Variants in PCDH15 observed in about 807,000 individuals in gnomAD.
PCDH15 encodes the protein protocadherin-15.
PCDH15 carries 129 observed loss-of-function variants against 178.5 expected under a neutral mutation model. The observed-to-expected ratio is 0.72, with a 90% CI of 0.63 to 0.84. The LOEUF (loss-of-function observed/expected upper bound fraction) is 0.84. Among genes scored for constraint, PCDH15 ranks in the 40% least tolerant of loss-of-function variants. PCDH15 has a pLI of 0.00. For missense variants in PCDH15, 2,230 were observed against 2,099.9 expected, an observed-to-expected ratio of 1.06 and a Z score of -1.21; for synonymous variants, 800 against 732.0, an observed-to-expected ratio of 1.09 and a Z score of -1.50.
chr10:55,413,453 A>T (rs1243470610), intron 2 of PCDH15, among the ~76,000 whole-genome samples: 1 of 151,754 alleles, frequency 6.6e-6, no homozygotes, highest in East Asian at 1.9e-4. Context: ...AGACTTTTCT[A>T]AAAGGTCTAT....
At chr10:54,455,871 G>A (rs1422248733) in intron 3 of PCDH15, among the ~76,000 whole-genome samples, 1 of 152,140 alleles carries the variant, frequency 6.6e-6, no homozygotes, top group Non-Finnish European at 1.5e-5. Context: ...TGGCTAAAAC[G>A]GGTCAGTGTA....
At chr10:54,852,924 G>A (rs973623684) in intron 3 of PCDH15, among the ~76,000 whole-genome samples, 1 of 150,334 alleles carries the variant, frequency 6.7e-6, no homozygotes, top group African/African-American at 2.5e-5. Flanking sequence ...AGTTAATTTG[G>A]TATACAGACA....
intron 3 of PCDH15, among the ~76,000 whole-genome samples, chr10:54,873,967 T>A (rs1278053032): frequency 2.0e-5 from 3 of 150,220 alleles, no homozygotes; most frequent in African/African-American, 7.3e-5. Flanking sequence ...TTTATTTATT[T>A]ATTTATTTAT....
chr10:53,876,437 C>T (rs533377185), intron 26 of PCDH15, among the ~76,000 whole-genome samples: 1 of 151,990 alleles, frequency 6.6e-6, no homozygotes, highest in Admixed American at 6.5e-5. Context: ...CCACCCGGCT[C>T]GGCCTCCCAA....
chr10:55,312,324 C>A (rs1389064231), intron 1 of PCDH15, among the ~76,000 whole-genome samples: 5 of 149,582 alleles, frequency 3.3e-5, no homozygotes, highest in African/African-American at 1.3e-4. Flanking sequence ...ATTAAAAAAA[C>A]AAAAATATTT....
chr10:55,465,166 G>C (rs1839806483), intron 2 of PCDH15, among the ~76,000 whole-genome samples: 2 of 152,142 alleles, frequency 1.3e-5, no homozygotes, highest in Non-Finnish European at 2.9e-5. Context: ...TGACTCACAG[G>C]ATCATGAGGG....
At chr10:53,890,790 T>G (rs1027172447) in intron 26 of PCDH15, among the ~76,000 whole-genome samples, 5 of 152,240 alleles carry the variant, frequency 3.3e-5, no homozygotes, top group Non-Finnish European at 7.4e-5. Flanking sequence ...ATAAAAAAAT[T>G]TTAAAGTCTC....
intron 37 of PCDH15, chr10:53,808,384 G>T: frequency 9.8e-7 from 1 of 1,017,616 alleles, no homozygotes; most frequent in Admixed American, 4.9e-5. Context: ...GAGTGTCACT[G>T]ATAATACATA....
At chr10:53,979,438 C>T (rs564548546) in intron 21 of PCDH15, among the ~76,000 whole-genome samples, 28 of 152,320 alleles carry the variant, frequency 1.8e-4, no homozygotes, top group Non-Finnish European at 1.6e-4. Flanking sequence ...ATGGGAACTA[C>T]GGTTCAAGAT....
intron 2 of PCDH15, among the ~76,000 whole-genome samples, chr10:55,423,952 C>A (rs555631597): frequency 1.3e-5 from 2 of 152,030 alleles, no homozygotes; most frequent in East Asian, 3.9e-4. Flanking sequence ...TTTAAAAGGG[C>A]TTTAGAATCC....
At position 55,400,490 on chromosome 10, in the gene PCDH15, G is replaced by C. The variant is rs551887483; in HGVS notation, c.-156+227135C>G. Among the ~76,000 whole-genome samples the C allele has an allele frequency of 2.0e-5, 3 of 152,218 alleles. No homozygotes were observed. In the East Asian group the frequency reaches 5.8e-4, roughly 29 times the overall value. On this transcript the variant is annotated intron_variant, in intron 2 of 5. Coordinates refer to the PCDH15 transcript ENST00000613346. ...TTTAGAATAAAACGAAAACAGAGTTGATCCATGTTATTTATGGCTTCTGTA... is the reference window on the plus strand; with the variant it reads ...TTTAGAATAAAACGAAAACAGAGTTCATCCATGTTATTTATGGCTTCTGTA...
At chr10:55,457,189 C>T (rs769134278) in intron 2 of PCDH15, among the ~76,000 whole-genome samples, 1 of 151,982 alleles carries the variant, frequency 6.6e-6, no homozygotes, top group Non-Finnish European at 1.5e-5. Context: ...AAAGTAATTA[C>T]AGAAAACTGA....
At chr10:54,997,538 C>T (rs796547714) in intron 2 of PCDH15, among the ~76,000 whole-genome samples, 8 of 152,118 alleles carry the variant, frequency 5.3e-5, no homozygotes, top group East Asian at 1.9e-4. Flanking sequence ...TATCAGAGTT[C>T]GGCACAGAAG....
intron 1 of PCDH15, among the ~76,000 whole-genome samples, chr10:54,761,210 C>G (rs1387430289): frequency 6.6e-6 from 1 of 151,998 alleles, no homozygotes; most frequent in Non-Finnish European, 1.5e-5. Context: ...TCTTGCCCCC[C>G]CAAAAATAAT....
chr10:54,460,247 T>G (rs2136442089), intron 3 of PCDH15, among the ~76,000 whole-genome samples: 1 of 152,264 alleles, frequency 6.6e-6, no homozygotes, highest in African/African-American at 2.4e-5. Flanking sequence ...GAATACCGGC[T>G]ATGTGCCTGA....
At chr10:53,983,899 G>C (rs2090881815) in intron 21 of PCDH15, among the ~76,000 whole-genome samples, 1 of 151,432 alleles carries the variant, frequency 6.6e-6, no homozygotes, top group Admixed American at 6.6e-5. Flanking sequence ...TCCAACTTAG[G>C]TTTCCCTCTC....
intron 2 of PCDH15, among the ~76,000 whole-genome samples, chr10:55,125,661 C>G (rs1451276339): frequency 6.6e-6 from 1 of 152,114 alleles, no homozygotes; most frequent in Non-Finnish European, 1.5e-5. Flanking sequence ...ATCTCATCAG[C>G]TACCAGGTCT....
chr10:54,315,780 T>C (rs1251958325), intron 8 of PCDH15, among the ~76,000 whole-genome samples: 3 of 152,112 alleles, frequency 2.0e-5, no homozygotes, highest in African/African-American at 7.2e-5. Context: ...ATTTACTGAA[T>C]AGGAAGTCTT....
At chr10:54,981,284 A>C (rs1037830749) in intron 2 of PCDH15, among the ~76,000 whole-genome samples, 1 of 152,190 alleles carries the variant, frequency 6.6e-6, no homozygotes, top group Non-Finnish European at 1.5e-5. Context: ...TCACCAATTA[A>C]AATCCTTTTG....
Sources: gnomAD v4.1 joint callset for allele counts (sites outside exome capture counted in the v4.1 genomes callset) on GRCh38, gnomAD v4.1.1 for gene constraint, MANE v1.5 for transcripts, NCBI Gene and HGNC (gene_info 2026-07-23, HGNC 2026-07-21) for gene names.